The following XKR4 variants were observed in gnomAD, a reference collection of about 807,000 sequenced individuals.
The protein encoded by XKR4 is XK-related protein 4.
Under a neutral mutation model 53.9 loss-of-function variants are expected in XKR4, and 12 were observed. The ratio of observed to expected loss-of-function variants is 0.22; its 90% CI spans 0.14 to 0.36. XKR4 has a LOEUF of 0.36. XKR4 is among the 10% of genes least tolerant of loss of function. The pLI is 1.00. For synonymous variants in XKR4, 354 were observed against 362.4 expected, an observed-to-expected ratio of 0.98 and a Z score of 0.26; for missense variants, 799 against 859.5, an observed-to-expected ratio of 0.93 and a Z score of 0.88.
rs560357443 is a variant in XKR4 at position 55,474,196 on chromosome 8, C to T, written c.1007-49085C>T. 8.3e-4 allele frequency among the ~76,000 whole-genome samples: 127 copies of T among 152,274 alleles called. 1 individual carries two copies. Among genetic ancestry groups the T allele is most frequent in the African/African-American group, 3.0e-3 (123 of 41,506 alleles). On this transcript the variant is annotated intron_variant, in intron 2 of 2. Transcript: ENST00000327381. ...ACACACTGGGATTACAGGCATCAGC[C>T]ACCATTCCTAGCCTAAAACAGACTT...
intron 1 of XKR4, among the ~76,000 whole-genome samples, chr8:55,323,274 A>G (rs542869369): frequency 3.9e-5 from 6 of 152,358 alleles, no homozygotes; most frequent in African/African-American, 1.4e-4. Flanking sequence ...ACACAGCCCT[A>G]TACTCATCAT....
intron 1 of XKR4, among the ~76,000 whole-genome samples, chr8:55,294,558 C>G (rs1425101044): frequency 6.6e-6 from 1 of 152,166 alleles, no homozygotes; most frequent in Non-Finnish European, 1.5e-5. Context: ...GACAACATCT[C>G]GTGATTGGCA....
At chr8:55,319,729 G>T (rs1242067580) in intron 1 of XKR4, among the ~76,000 whole-genome samples, 1 of 152,156 alleles carries the variant, frequency 6.6e-6, no homozygotes, top group African/African-American at 2.4e-5. Context: ...TTAGGCAAAA[G>T]CTATTTTCAT....
At chr8:55,482,093 A>G (rs1806118003) in intron 2 of XKR4, among the ~76,000 whole-genome samples, 1 of 152,212 alleles carries the variant, frequency 6.6e-6, no homozygotes, top group Admixed American at 6.5e-5. Flanking sequence ...AGACACATGC[A>G]CACGTATGTT....
At chr8:55,392,845 G>A (rs1804461906) in intron 2 of XKR4, among the ~76,000 whole-genome samples, 1 of 152,026 alleles carries the variant, frequency 6.6e-6, no homozygotes, top group Admixed American at 6.6e-5. Flanking sequence ...AAGAGGGGAA[G>A]AGTGGACCTT....
At chr8:55,318,174 C>T (rs763666009) in intron 1 of XKR4, among the ~76,000 whole-genome samples, 1 of 152,062 alleles carries the variant, frequency 6.6e-6, no homozygotes. Context: ...ATTTATCTTG[C>T]AAGTATCTTC....
At chr8:55,462,324 A>G (rs1277368456) in intron 2 of XKR4, among the ~76,000 whole-genome samples, 3 of 152,218 alleles carry the variant, frequency 2.0e-5, no homozygotes, top group Non-Finnish European at 2.9e-5. Flanking sequence ...AATATTCAAC[A>G]TTCTTAAAGA....
intron 1 of XKR4, among the ~76,000 whole-genome samples, chr8:55,313,666 C>T (rs1819418214): frequency 6.6e-6 from 1 of 152,136 alleles, no homozygotes; most frequent in Non-Finnish European, 1.5e-5. Context: ...TTCCATATTC[C>T]TCAATGCCAT....
At chr8:55,284,311 C>A (rs1297090245) in intron 1 of XKR4, among the ~76,000 whole-genome samples, 1 of 152,086 alleles carries the variant, frequency 6.6e-6, no homozygotes, top group Non-Finnish European at 1.5e-5. Flanking sequence ...TTCTAAACAA[C>A]AAATATTTAT....
chr8:55,367,410 A>C (rs2929011), intron 2 of XKR4, among the ~76,000 whole-genome samples: 1 of 151,982 alleles, frequency 6.6e-6, no homozygotes, highest in African/African-American at 2.4e-5. Context: ...CTTAGGAGTA[A>C]TATGGTTAAT....
chr8:55,279,171 C>T (rs1174516048), intron 1 of XKR4, among the ~76,000 whole-genome samples: 1 of 152,162 alleles, frequency 6.6e-6, no homozygotes, highest in African/African-American at 2.4e-5. Context: ...CAGGAGATCC[C>T]ATCGCTGGTA....
chr8:55,310,602 T>C (rs921275892), intron 1 of XKR4, among the ~76,000 whole-genome samples: 3 of 152,232 alleles, frequency 2.0e-5, no homozygotes, highest in Non-Finnish European at 2.9e-5. Context: ...CTGGTGTTAG[T>C]AGACTTGTTC....
At chr8:55,137,460 A>G (rs1405464670) in intron 1 of XKR4, among the ~76,000 whole-genome samples, 1 of 152,134 alleles carries the variant, frequency 6.6e-6, no homozygotes, top group Non-Finnish European at 1.5e-5. Context: ...TCTTTTAGGG[A>G]TTATTATATA....
chr8:55,183,605 G>A (rs1466194305), intron 1 of XKR4, among the ~76,000 whole-genome samples: 2 of 151,976 alleles, frequency 1.3e-5, no homozygotes, highest in African/African-American at 2.4e-5. Context: ...AACATGCTTT[G>A]TATGATTTCT....
At chr8:55,218,059 G>C (rs559581510) in intron 1 of XKR4, among the ~76,000 whole-genome samples, 2 of 152,266 alleles carry the variant, frequency 1.3e-5, no homozygotes, top group East Asian at 3.9e-4. Context: ...ATAGGAGATG[G>C]AGAAAGGGAA....
chr8:55,374,769 C>A (rs759637550), intron 2 of XKR4, among the ~76,000 whole-genome samples: 8 of 152,104 alleles, frequency 5.3e-5, no homozygotes, highest in Non-Finnish European at 1.0e-4. Flanking sequence ...CACATCAGTG[C>A]GAAGTTTAGG....
At chr8:55,382,302 A>G (rs896578411) in intron 2 of XKR4, among the ~76,000 whole-genome samples, 2 of 152,254 alleles carry the variant, frequency 1.3e-5, no homozygotes, top group African/African-American at 2.4e-5. Context: ...ACACTATTAT[A>G]CAAAGTGTAA....
At chr8:55,354,408 G>C (rs1426213267) in intron 1 of XKR4, among the ~76,000 whole-genome samples, 1 of 152,192 alleles carries the variant, frequency 6.6e-6, no homozygotes, top group Non-Finnish European at 1.5e-5. Flanking sequence ...GCTGGGAATA[G>C]ATTCCAAACT....
Position 55,415,872 on chromosome 8 carries a change from C to T in XKR4, c.1006+57995C>T, listed in dbSNP as rs74832936. ...CACAACTCTTGACAGTCTTCTACTG[C>T]GGTGCCTGGCGTAAAGTAGCCTTAT... On this transcript the variant is annotated intron_variant, in intron 2 of 2. Transcript: ENST00000327381. Among the ~76,000 whole-genome samples the T allele has an allele frequency of 3.3e-5, 5 of 152,154 alleles. No homozygotes were observed. The South Asian group carries it at 6.2e-4, about 19-fold the overall frequency.
Sources: allele counts gnomAD v4.1 joint callset (sites outside exome capture counted in the v4.1 genomes callset), GRCh38; gene constraint gnomAD v4.1.1; transcripts MANE v1.5; gene names NCBI Gene and HGNC (gene_info 2026-07-23, HGNC 2026-07-21).